TENM4: variants seen among roughly 807,000 people sequenced by gnomAD.
TENM4 encodes the protein teneurin transmembrane protein 4, also known as teneurin-4.
TENM4 carries 82 observed loss-of-function variants against 243.3 expected under a neutral mutation model. The ratio of observed to expected loss-of-function variants is 0.34; its 90% CI spans 0.28 to 0.40. TENM4 has a LOEUF of 0.40. TENM4 is among the 10% of genes least tolerant of loss of function. The pLI, the probability that TENM4 is intolerant of heterozygous loss-of-function variation, is 1.00. For synonymous variants in TENM4, 1,412 were observed against 1,456.3 expected (o/e 0.97, Z 0.69); for missense variants, 3,138 against 3,673.3 (o/e 0.85, Z 3.77).
At chr11:79,342,401 T>C (rs1416366301) in intron 1 of TENM4, among the ~76,000 whole-genome samples, 1 of 152,096 alleles carries the variant, frequency 6.6e-6, no homozygotes, top group Non-Finnish European at 1.5e-5. Flanking sequence ...ATGTGGAACA[T>C]GGACTTTGTG....
At chr11:79,019,517 T>A (rs1367255782) in intron 6 of TENM4, among the ~76,000 whole-genome samples, 1 of 152,198 alleles carries the variant, frequency 6.6e-6, no homozygotes, top group African/African-American at 2.4e-5. Context: ...TCTTTCAGGT[T>A]TCTATTTGAA....
At position 78,701,795 on chromosome 11, in the gene TENM4, G is replaced by A. The variant is rs1392181903; in HGVS notation, c.4818C>T (p.Tyr1606=). ...LYTQSLPTGD[Y]LYNFTYTGDG... ...CCCCAGTGTAGGTGAAGTTGTACAG[G>A]TAGTCTCCTGTGGGCAGGCTTTGGG... The change falls in exon 28 of 34, where the codon TAC becomes TAT. Residue 1606 remains tyrosine (Y), a synonymous_variant. Transcript: ENST00000278550. The A allele has an allele frequency of 1.2e-6, 2 of 1,614,028 alleles. No homozygotes were observed. The highest frequency in any genetic ancestry group is 8.5e-7 in the Non-Finnish European group (1 of 1,179,896).
chr11:79,133,328 A>G (rs965819651), intron 4 of TENM4, among the ~76,000 whole-genome samples: 2 of 152,188 alleles, frequency 1.3e-5, no homozygotes, highest in African/African-American at 4.8e-5. Flanking sequence ...GAACAGACCA[A>G]TAACAAGTAG....
chr11:79,139,724 A>G (rs1472763832), intron 4 of TENM4, among the ~76,000 whole-genome samples: 1 of 57,334 alleles, frequency 1.7e-5, no homozygotes, highest in African/African-American at 1.0e-4. Flanking sequence ...TATATAAAAT[A>G]TATATTATAT....
At chr11:78,967,587 T>A (rs1341540862) in intron 6 of TENM4, among the ~76,000 whole-genome samples, 1 of 152,088 alleles carries the variant, frequency 6.6e-6, no homozygotes, top group East Asian at 1.9e-4. Flanking sequence ...ATGGTGAAAA[T>A]CCAGATGATC....
At chr11:78,906,595 G>A (rs566139026) in intron 6 of TENM4, among the ~76,000 whole-genome samples, 2 of 152,184 alleles carry the variant, frequency 1.3e-5, no homozygotes, top group Non-Finnish European at 2.9e-5. Context: ...ATGGGGACAA[G>A]GAATGTTTTC....
chr11:79,199,867 C>T (rs578248819), intron 3 of TENM4, among the ~76,000 whole-genome samples: 1 of 152,334 alleles, frequency 6.6e-6, no homozygotes, highest in Non-Finnish European at 1.5e-5. Flanking sequence ...CAGCAGCTGA[C>T]AATGGCTGTA....
chr11:79,321,944 T>A (rs1856897536), intron 1 of TENM4, among the ~76,000 whole-genome samples: 1 of 152,150 alleles, frequency 6.6e-6, no homozygotes, highest in Non-Finnish European at 1.5e-5. Flanking sequence ...CAGATGAGGA[T>A]GTACCATGTC....
chr11:78,770,274 G>T (rs1323157544), intron 18 of TENM4, among the ~76,000 whole-genome samples: 2 of 152,202 alleles, frequency 1.3e-5, no homozygotes, highest in Admixed American at 1.3e-4. Flanking sequence ...CTACGACTAA[G>T]ATAAGGACTG....
rs74777794 is a variant in TENM4, at chr11:78,813,424, T to A, written c.1783+870A>T. Among the ~76,000 whole-genome samples, 996 of 152,324 alleles carry A rather than the reference T, an allele frequency of 6.5e-3. 7 individuals carry two copies. Among genetic ancestry groups the A allele is most frequent in the African/African-American group, 0.022 (929 of 41,572 alleles). The stretch of plus-strand genomic sequence containing the variant: ...TTAACTGTGTTATAGCGTATTTCAC[T>A]TACTATCGTACTGCTTTGCAGTTGT... On this transcript the variant is annotated intron_variant, in intron 13 of 33. Coordinates refer to ENST00000278550, the MANE Select transcript of TENM4 (RefSeq NM_001098816.3).
At chr11:79,332,595 T>G (rs1857079150) in intron 1 of TENM4, among the ~76,000 whole-genome samples, 1 of 152,134 alleles carries the variant, frequency 6.6e-6, no homozygotes, top group Non-Finnish European at 1.5e-5. Flanking sequence ...AACCTCACAG[T>G]TTATAAGCAC....
chr11:79,383,718 A>T (rs1417976396), intron 1 of TENM4, among the ~76,000 whole-genome samples: 1 of 152,126 alleles, frequency 6.6e-6, no homozygotes, highest in Non-Finnish European at 1.5e-5. Context: ...CTATATATAC[A>T]TGTGTTTCTA....
intron 6 of TENM4, among the ~76,000 whole-genome samples, chr11:79,039,508 T>C (rs1414137200): frequency 6.6e-6 from 1 of 152,216 alleles, no homozygotes; most frequent in Non-Finnish European, 1.5e-5. Context: ...GATGTTGTCA[T>C]AGGACTGAGT....
At chr11:78,927,239 T>G (rs571749660) in intron 6 of TENM4, among the ~76,000 whole-genome samples, 1 of 152,350 alleles carries the variant, frequency 6.6e-6, no homozygotes, top group East Asian at 1.9e-4. Context: ...ATTTTTTAAC[T>G]GATATATTTT....
At chr11:79,173,473 C>T (rs1392656519) in intron 3 of TENM4, among the ~76,000 whole-genome samples, 2 of 152,074 alleles carry the variant, frequency 1.3e-5, no homozygotes, top group Non-Finnish European at 2.9e-5. Context: ...CCAACGTGGC[C>T]TATCACCAGG....
intron 25 of TENM4, among the ~76,000 whole-genome samples, chr11:78,720,102 T>G (rs532094522): frequency 3.0e-4 from 46 of 152,366 alleles, no homozygotes; most frequent in African/African-American, 1.1e-3. Flanking sequence ...TTCAAATTAC[T>G]ATTCCAAGGT....
Position 78,712,471 on chromosome 11 carries a change from C to T in TENM4, c.4054+11G>A, listed in dbSNP as rs1287056917. The T allele has an allele frequency of 3.7e-6, 6 of 1,610,456 alleles. No homozygotes were observed. The South Asian group carries it at 6.6e-5, about 18-fold the overall frequency. On this transcript the variant is annotated intron_variant, in intron 26 of 33. Coordinates refer to ENST00000278550, the MANE Select transcript of TENM4 (RefSeq NM_001098816.3). Reference sequence around the variant, plus strand: ...AATGTTATTGACAATGTCTCTAAGGCAAGGCCTTACCCCTGGGATTGGTGA... The same window carrying T: ...AATGTTATTGACAATGTCTCTAAGGTAAGGCCTTACCCCTGGGATTGGTGA...
chr11:78,893,780 T>TACACACAC lies in TENM4; in HGVS notation c.750-2452_750-2445dup, dbSNP rs368536086. ...TGTACTGATTTTTCAGGACTTCACA[T>TACACACAC]ACACACACACACACACACACTCCTC... On this transcript the variant is annotated intron_variant, in intron 7 of 33. Coordinates refer to ENST00000278550, the MANE Select transcript of TENM4 (RefSeq NM_001098816.3). Among the ~76,000 whole-genome samples the TACACACAC allele has an allele frequency of 4.9e-5, 7 of 142,756 alleles. No individual in the cohort carries two copies. The South Asian group carries it at 6.7e-4, about 14-fold the overall frequency. 93.7% of individuals were successfully genotyped at this position (142,756 alleles called of 152,430 possible). A position where few individuals can be genotyped will look rare whatever the true frequency, so the allele number is the denominator to read the frequency against.
chr11:78,946,013 A>T (rs1156817154), intron 6 of TENM4, among the ~76,000 whole-genome samples: 1 of 152,206 alleles, frequency 6.6e-6, no homozygotes, highest in Non-Finnish European at 1.5e-5. Context: ...GATGGGAGAA[A>T]CTGCAGCAAG....
Sources: gnomAD v4.1 joint callset for allele counts (sites outside exome capture counted in the v4.1 genomes callset) on GRCh38, gnomAD v4.1.1 for gene constraint, MANE v1.5 for transcripts, NCBI Gene and HGNC (gene_info 2026-07-23, HGNC 2026-07-21) for gene names.